Variants in EXD3 observed in about 807,000 individuals in gnomAD.
The protein encoded by EXD3 is exonuclease 3'-5' domain containing 3.
EXD3 carries 92 observed loss-of-function variants against 98.0 expected under a neutral mutation model. The ratio of observed to expected loss-of-function variants is 0.94; its 90% CI spans 0.79 to 1.12. The LOEUF (loss-of-function observed/expected upper bound fraction) is 1.12. EXD3 is among the 50% of genes most tolerant of loss of function. The pLI is 0.00. For synonymous variants in EXD3, 569 were observed against 526.0 expected (o/e 1.08, Z -1.12); for missense variants, 1,222 against 1,191.6 (o/e 1.03, Z -0.38).
chr9:137,330,222 G>T (rs1189074334), intron 17 of EXD3, among the ~76,000 whole-genome samples: 1 of 137,134 alleles, frequency 7.3e-6, no homozygotes, highest in African/African-American at 2.8e-5. Flanking sequence ...AGCTACACAG[G>T]AACTACACAG....
At chr9:137,331,466 G>C (rs1415994346) in intron 17 of EXD3, among the ~76,000 whole-genome samples, 3 of 152,122 alleles carry the variant, frequency 2.0e-5, no homozygotes, top group African/African-American at 7.2e-5. Flanking sequence ...AAAACAGGAG[G>C]TCAAACTATC....
At chr9:137,422,187 G>C (rs1157744865) in intron 1 of EXD3, among the ~76,000 whole-genome samples, 2 of 151,532 alleles carry the variant, frequency 1.3e-5, no homozygotes, top group Non-Finnish European at 2.9e-5. Flanking sequence ...GACTATGTGG[G>C]AATGAGCCTT....
intron 2 of EXD3, among the ~76,000 whole-genome samples, chr9:137,391,577 C>A (rs1836913226): frequency 6.6e-6 from 1 of 150,596 alleles, no homozygotes; most frequent in African/African-American, 2.4e-5. Flanking sequence ...CCCCACCCCA[C>A]CGCCCGCCGG....
rs139746828 is a variant in EXD3, at chr9:137,332,777, G to A, written c.1999-8634C>T. Among the ~76,000 whole-genome samples the A allele has an allele frequency of 5.6e-4, 85 of 152,326 alleles. No individual in the cohort carries two copies. The East Asian group carries it at 0.013, about 23-fold the overall frequency. On this transcript the variant is annotated intron_variant, in intron 17 of 21. Transcript: ENST00000340951. ...GGGGAATCCCTTGAACCCAGGAGGCGGAGATTCCAGTGAGCCAAGGTTGCG... is the reference window on the plus strand; with the variant it reads ...GGGGAATCCCTTGAACCCAGGAGGCAGAGATTCCAGTGAGCCAAGGTTGCG...
chr9:137,372,149 G>C (rs1014982881), intron 5 of EXD3, among the ~76,000 whole-genome samples: 2 of 152,182 alleles, frequency 1.3e-5, no homozygotes, highest in Non-Finnish European at 2.9e-5. Flanking sequence ...CCACACTTCT[G>C]CGACACCACT....
At chr9:137,421,449 A>G (rs994262255) in intron 1 of EXD3, among the ~76,000 whole-genome samples, 1 of 152,252 alleles carries the variant, frequency 6.6e-6, no homozygotes, top group Admixed American at 6.5e-5. Context: ...GAAAAACTAC[A>G]GCATACCTGT....
intron 8 of EXD3, among the ~76,000 whole-genome samples, chr9:137,355,112 C>T (rs1465983525): frequency 2.0e-5 from 3 of 152,218 alleles, no homozygotes; most frequent in Non-Finnish European, 2.9e-5. Flanking sequence ...GCACGTGGAA[C>T]CCTCGTGGAC....
At chr9:137,321,470 G>A (rs1336255117) in intron 19 of EXD3, among the ~76,000 whole-genome samples, 1 of 152,192 alleles carries the variant, frequency 6.6e-6, no homozygotes, top group African/African-American at 2.4e-5. Flanking sequence ...ATCACCTGAG[G>A]TCAGGAGTTC....
At chr9:137,386,582 C>T (rs1192083834) in intron 2 of EXD3, among the ~76,000 whole-genome samples, 3 of 152,144 alleles carry the variant, frequency 2.0e-5, no homozygotes, top group Non-Finnish European at 2.9e-5. Context: ...TAGCATCCTA[C>T]AGAAATATGG....
At chr9:137,368,920 G>A (rs557771325) in intron 5 of EXD3, among the ~76,000 whole-genome samples, 3 of 144,242 alleles carry the variant, frequency 2.1e-5, no homozygotes, top group Non-Finnish European at 4.6e-5. Flanking sequence ...GGGCAGGGGC[G>A]CCTGGCCCGG....
chr9:137,378,625 A>G (rs983139063), intron 3 of EXD3, among the ~76,000 whole-genome samples: 1 of 152,262 alleles, frequency 6.6e-6, no homozygotes, highest in Non-Finnish European at 1.5e-5. Context: ...TCAGCTGTCT[A>G]TGAAGAAACA....
chr9:137,421,419 G>C (rs1191463613), intron 1 of EXD3, among the ~76,000 whole-genome samples: 1 of 152,214 alleles, frequency 6.6e-6, no homozygotes, highest in Non-Finnish European at 1.5e-5. Context: ...TGGGGAAGTA[G>C]AGAAAAATTA....
chr9:137,408,575 G>C (rs967301008), intron 1 of EXD3, among the ~76,000 whole-genome samples: 1 of 115,116 alleles, frequency 8.7e-6, no homozygotes, highest in Non-Finnish European at 1.8e-5. Flanking sequence ...AGAGGGCTCT[G>C]GGGGAGACAG....
At chr9:137,390,119 C>CCAA (rs1554732696) in intron 2 of EXD3, among the ~76,000 whole-genome samples, 4 of 23,380 alleles carry the variant, frequency 1.7e-4, no homozygotes, top group African/African-American at 7.3e-4. Flanking sequence ...GAGACTCTGT[C>CCAA]AAAAAAAAAA....
rs1414308965 is a variant in EXD3, at chr9:137,372,990, G to A, written c.377C>T (p.Ala126Val). ...ESPPSLAAPL[A>V]SIFQLQDADR... ...TGCATCCTGCAGCTGGAAGATGCTGGCCAGTGGTGCCGCAAGGCTGGGGGG... is the reference window on the plus strand; with the variant it reads ...TGCATCCTGCAGCTGGAAGATGCTGACCAGTGGTGCCGCAAGGCTGGGGGG... Residue 126 changes from alanine to valine, a missense_variant, in exon 5 of 22, where the codon GCC (alanine) becomes GTC (valine). Ala to Val is a moderately conservative substitution (Grantham distance 64, BLOSUM62 0). Coordinates refer to ENST00000340951, the MANE Select transcript of EXD3 (RefSeq NM_017820.5). The A allele has an allele frequency of 6.2e-7, 1 of 1,604,928 alleles. No homozygotes were observed. Among genetic ancestry groups the A allele is most frequent in the Non-Finnish European group, 8.5e-7 (1 of 1,179,664 alleles).
intron 1 of EXD3, among the ~76,000 whole-genome samples, chr9:137,401,709 T>C (rs1352715997): frequency 6.6e-6 from 1 of 152,046 alleles, no homozygotes; most frequent in Non-Finnish European, 1.5e-5. Flanking sequence ...ACGGCTGGAG[T>C]GTCTGGGACA....
At position 137,349,270 on chromosome 9, in the gene EXD3, T is replaced by C; in HGVS notation, c.1670A>G (p.Tyr557Cys). ...GGCTTGGTGCACCTCCAGCAGGCAG[T>C]AGGCGTCGGCAGCTGTGTGGGGAGT... Reference protein sequence around the residue: ...EQVIYAAADAYCLLEVHQALC... With the variant: ...EQVIYAAADACCLLEVHQALC... Residue 557 changes from tyrosine to cysteine, a missense_variant, in exon 16 of 22, where the codon TAC (tyrosine) becomes TGC (cysteine). Physicochemically the swap from Tyr to Cys is radical, Grantham distance 194. Coordinates refer to ENST00000340951, the MANE Select transcript of EXD3 (RefSeq NM_017820.5). The surrounding 1 kb of genome is among the most constrained non-coding windows in gnomAD (Gnocchi z 7.4). 2 of 1,566,174 alleles carry C rather than the reference T, an allele frequency of 1.3e-6. No homozygotes were observed. Among genetic ancestry groups the C allele is most frequent in the Non-Finnish European group, 1.7e-6 (2 of 1,162,556 alleles).
At chr9:137,372,064 CA>C (rs1388227670) in intron 5 of EXD3, among the ~76,000 whole-genome samples, 2 of 152,200 alleles carry the variant, frequency 1.3e-5, no homozygotes, top group Non-Finnish European at 2.9e-5. Flanking sequence ...GCCTTGTTCA[CA>C]AAGGAGACTC....
Position 137,386,623 on chromosome 9 carries a change from G to A in EXD3, c.56-3246C>T, listed in dbSNP as rs577911366. 2.1e-4 allele frequency among the ~76,000 whole-genome samples: 32 copies of A among 152,228 alleles called. No homozygotes were observed. The Middle Eastern group carries it at 0.01, about 49-fold the overall frequency. On this transcript the variant is annotated intron_variant, in intron 2 of 21. Coordinates refer to ENST00000340951, the MANE Select transcript of EXD3 (RefSeq NM_017820.5). The stretch of plus-strand genomic sequence containing the variant: ...GCCAGGCCACTTTATGGACTCCACC[G>A]TGGCCCCTCAGCCTTGAGAGTCAAA...
Sources: allele counts gnomAD v4.1 joint callset (sites outside exome capture counted in the v4.1 genomes callset), GRCh38; gene constraint gnomAD v4.1.1; non-coding constraint Gnocchi (gnomAD v3.1); transcripts MANE v1.5; gene names NCBI Gene and HGNC (gene_info 2026-07-23, HGNC 2026-07-21).